FOXN3: variants seen among roughly 807,000 people sequenced by gnomAD.
FOXN3 encodes the protein forkhead box N3.
A neutral mutation model predicts 38.4 loss-of-function variants in FOXN3; 7 were observed. That is an observed-to-expected ratio of 0.18 (90% CI 0.10 to 0.34). The LOEUF is 0.34. Among genes scored for constraint, FOXN3 ranks in the 10% least tolerant of loss-of-function variants. FOXN3 has a pLI of 1.00. For missense variants in FOXN3, 456 were observed against 613.4 expected (o/e 0.74, Z 2.71); for synonymous variants, 230 against 242.2 (o/e 0.95, Z 0.47).
At chr14:89,311,144 C>A (rs1161551347) in intron 3 of FOXN3, among the ~76,000 whole-genome samples, 1 of 144,194 alleles carries the variant, frequency 6.9e-6, no homozygotes, top group African/African-American at 2.6e-5. Context: ...TAAAAAAAAT[C>A]TTATATCTTT....
rs1372294961 is a variant in FOXN3 at position 89,513,902 on chromosome 14, TCTTAC to T, written c.-14-101417_-14-101413del. The stretch of plus-strand genomic sequence containing the variant: ...CTCTCTCTCTTTCCTTCTCTTTCTC[TCTTAC>T]ACACACACACACACACACACACGCA... On this transcript the variant is annotated intron_variant, in intron 1 of 6. Coordinates refer to the FOXN3 transcript ENST00000345097. Among the ~76,000 whole-genome samples the T allele has an allele frequency of 4.6e-3, 613 of 133,454 alleles. 6 individuals are homozygous for T. The highest frequency in any genetic ancestry group is 0.017 in the African/African-American group (581 of 34,512). The allele number at this position is 133,454 out of a possible 152,430, so 87.6% of individuals were successfully genotyped here. A position where few individuals can be genotyped will look rare whatever the true frequency, so the allele number is the denominator to read the frequency against.
chr14:89,591,497 T>A (rs1388854382), intron 1 of FOXN3, among the ~76,000 whole-genome samples: 1 of 152,188 alleles, frequency 6.6e-6, no homozygotes, highest in Admixed American at 6.5e-5. Flanking sequence ...AGCTCCCCAG[T>A]CCATGAGCAG....
chr14:89,377,605 T>C (rs555558961), intron 2 of FOXN3, among the ~76,000 whole-genome samples: 14 of 152,328 alleles, frequency 9.2e-5, no homozygotes, highest in Non-Finnish European at 2.1e-4. Context: ...TCTTGCAACT[T>C]TTCTGCATGT....
At chr14:89,460,362 C>G (rs759499747) in intron 1 of FOXN3, among the ~76,000 whole-genome samples, 1 of 152,170 alleles carries the variant, frequency 6.6e-6, no homozygotes. Flanking sequence ...CTCTCCGCTC[C>G]AGAAAACTCA....
chr14:89,378,830 C>T (rs1448936041), intron 2 of FOXN3, among the ~76,000 whole-genome samples: 1 of 151,900 alleles, frequency 6.6e-6, no homozygotes, highest in Admixed American at 6.6e-5. Flanking sequence ...CCTTAGCCTC[C>T]CGAGTACCTG....
At chr14:89,589,210 C>T (rs1895905228) in intron 1 of FOXN3, among the ~76,000 whole-genome samples, 1 of 152,178 alleles carries the variant, frequency 6.6e-6, no homozygotes, top group Non-Finnish European at 1.5e-5. Context: ...CCAAAACACT[C>T]TTGCCCTTGT....
intron 4 of FOXN3, chr14:89,223,312 C>G (rs1884528778): frequency 6.6e-6 from 1 of 152,436 alleles, no homozygotes; most frequent in Admixed American, 6.5e-5. Flanking sequence ...AGGTGCAGAC[C>G]ACGGGCTGTG....
chr14:89,486,915 C>G (rs1447528042), intron 1 of FOXN3, among the ~76,000 whole-genome samples: 3 of 152,166 alleles, frequency 2.0e-5, no homozygotes, highest in African/African-American at 7.2e-5. Flanking sequence ...TACATGCCAT[C>G]TCAATGTGAG....
chr14:89,508,699 C>T (rs567552565), intron 1 of FOXN3, among the ~76,000 whole-genome samples: 1 of 152,288 alleles, frequency 6.6e-6, no homozygotes, highest in Admixed American at 6.5e-5. Flanking sequence ...CATTGCTTCT[C>T]CAATGTTCGT....
intron 5 of FOXN3, among the ~76,000 whole-genome samples, chr14:89,168,052 G>C (rs1231708565): frequency 6.6e-6 from 1 of 152,042 alleles, no homozygotes; most frequent in African/African-American, 2.4e-5. Context: ...AAGCCACAAG[G>C]AATTTCCACA....
chr14:89,372,125 G>A (rs759159305), intron 2 of FOXN3, among the ~76,000 whole-genome samples: 5 of 151,874 alleles, frequency 3.3e-5, no homozygotes, highest in Non-Finnish European at 7.4e-5. Flanking sequence ...TTTCATTCTT[G>A]GAATCTACAT....
chr14:89,262,422 T>C (rs1027434485), intron 4 of FOXN3, among the ~76,000 whole-genome samples: 1 of 152,186 alleles, frequency 6.6e-6, no homozygotes, highest in African/African-American at 2.4e-5. Flanking sequence ...CCCAGACACA[T>C]AGGAAATACT....
upstream of FOXN3, chr14:89,417,653 G>C (rs765561351): frequency 2.2e-6 from 1 of 455,480 alleles, no homozygotes; most frequent in East Asian, 6.9e-5. Context: ...TACATGGCTC[G>C]AAAGTAAAAA....
intron 4 of FOXN3, among the ~76,000 whole-genome samples, chr14:89,260,061 T>G (rs1885747882): frequency 1.3e-5 from 2 of 152,206 alleles, no homozygotes; most frequent in Non-Finnish European, 2.9e-5. Context: ...TGCAGCCTCG[T>G]GTCGGGCAGT....
chr14:89,171,806 G>A (rs1027608215), intron 5 of FOXN3, among the ~76,000 whole-genome samples: 3 of 151,884 alleles, frequency 2.0e-5, no homozygotes, highest in Admixed American at 6.6e-5. Context: ...CAGTAACATG[G>A]GTCCATTTAA....
intron 4 of FOXN3, among the ~76,000 whole-genome samples, chr14:89,217,932 C>T (rs1298550322): frequency 1.3e-5 from 2 of 152,238 alleles, no homozygotes; most frequent in African/African-American, 4.8e-5. Context: ...ATGAACCGAA[C>T]ATCTGTATTC....
chr14:89,501,296 C>T (rs571816571), intron 1 of FOXN3, among the ~76,000 whole-genome samples: 21 of 152,244 alleles, frequency 1.4e-4, no homozygotes, highest in African/African-American at 4.3e-4. Context: ...TAGTAGAGAA[C>T]AAATAATACT....
chr14:89,583,821 A>G (rs754100435), intron 1 of FOXN3, among the ~76,000 whole-genome samples: 7 of 150,964 alleles, frequency 4.6e-5, no homozygotes, highest in Non-Finnish European at 1.0e-4. Context: ...CGGCCTCCCA[A>G]AGTGCTGGGA....
At chr14:89,183,129 G>C (rs1194201894) in intron 4 of FOXN3, among the ~76,000 whole-genome samples, 3 of 152,128 alleles carry the variant, frequency 2.0e-5, no homozygotes, top group African/African-American at 7.2e-5. Flanking sequence ...AAAACGATAG[G>C]CTTTTTGTTT....
Sources: allele counts gnomAD v4.1 joint callset (sites outside exome capture counted in the v4.1 genomes callset), GRCh38; gene constraint gnomAD v4.1.1; transcripts MANE v1.5; gene names NCBI Gene and HGNC (gene_info 2026-07-23, HGNC 2026-07-21).